The following KCNK2 variants were observed in gnomAD, a reference collection of about 807,000 sequenced individuals.
KCNK2 encodes the protein potassium channel subfamily K member 2.
Under a neutral mutation model 40.5 loss-of-function variants are expected in KCNK2, and 21 were observed. The ratio of observed to expected loss-of-function variants is 0.52; its 90% CI spans 0.37 to 0.75. KCNK2 has a LOEUF of 0.75. Among genes scored for constraint, KCNK2 ranks in the 30% least tolerant of loss-of-function variants. The probability of loss-of-function intolerance (pLI) is 0.00; values close to 1 mark genes in which losing one functional copy is unlikely to be tolerated. For missense variants in KCNK2, 399 were observed against 531.6 expected (o/e 0.75, Z 2.45); for synonymous variants, 191 against 202.2 (o/e 0.94, Z 0.47).
intron 2 of KCNK2, among the ~76,000 whole-genome samples, chr1:215,093,715 T>A (rs1659813297): frequency 2.1e-5 from 2 of 94,528 alleles, no homozygotes; most frequent in South Asian, 5.6e-4. Context: ...TATTATATAT[T>A]ATATAAAAAT....
At chr1:215,187,338 G>A (rs4446939) in intron 5 of KCNK2, among the ~76,000 whole-genome samples, 20,877 of 151,986 alleles carry the variant, frequency 0.14, 3,155 homozygotes, top group African/African-American at 0.38. Context: ...GATTCTCTAC[G>A]TTCTGTTTCC....
chr1:215,006,288 A>T (rs1656125804), intron 1 of KCNK2, among the ~76,000 whole-genome samples: 2 of 152,126 alleles, frequency 1.3e-5, no homozygotes, highest in Admixed American at 1.3e-4. Flanking sequence ...CTGGTAATTT[A>T]TGTTTACTTT....
At chr1:215,118,395 A>T (rs1433140575) in intron 2 of KCNK2, among the ~76,000 whole-genome samples, 1 of 152,148 alleles carries the variant, frequency 6.6e-6, no homozygotes, top group Non-Finnish European at 1.5e-5. Flanking sequence ...TGAGAGCATC[A>T]TTTATTATTT....
In KCNK2 at chr1:215,199,018, A is replaced by G. The variant is rs182444016; in HGVS notation, c.963+3926A>G. Among the ~76,000 whole-genome samples, 33 of 152,280 alleles carry G rather than the reference A, an allele frequency of 2.2e-4. 1 individual carries two copies. Among genetic ancestry groups the G allele is most frequent in the African/African-American group, 7.7e-4 (32 of 41,566 alleles). On this transcript the variant is annotated intron_variant, in intron 6 of 6. Transcript: ENST00000444842. ...TATTCCATTTCTGTTTTTTATGTTA[A>G]AACATATTCTGTTTCCAGCCAGGCG...
chr1:215,089,336 A>G (rs1659595489), intron 2 of KCNK2, among the ~76,000 whole-genome samples: 1 of 151,772 alleles, frequency 6.6e-6, no homozygotes, highest in Non-Finnish European at 1.5e-5. Flanking sequence ...CTGAGGGGGG[A>G]AACAGTTGGA....
intron 1 of KCNK2, among the ~76,000 whole-genome samples, chr1:215,054,179 T>G (rs959604333): frequency 6.6e-6 from 1 of 152,230 alleles, no homozygotes; most frequent in Non-Finnish European, 1.5e-5. Context: ...AAGAAACCTA[T>G]GATTGCCGAT....
chr1:215,113,659 G>A (rs1464418995), intron 2 of KCNK2, among the ~76,000 whole-genome samples: 4 of 152,228 alleles, frequency 2.6e-5, no homozygotes, highest in East Asian at 1.9e-4. Flanking sequence ...GCAATGGCAC[G>A]ATCCCGGCTC....
chr1:215,018,999 A>ACACAC (rs541182638), intron 1 of KCNK2, among the ~76,000 whole-genome samples: 10 of 20,594 alleles, frequency 4.9e-4, no homozygotes, highest in Admixed American at 3.6e-3. Context: ...ACACACACAC[A>ACACAC]AAAAAAAAAC....
Position 215,086,455 on chromosome 1 carries a change from C to A in KCNK2, c.134C>A (p.Ala45Asp). ...TTTTCCACGAAACCCACAGTGCTTG[C>A]TTCCCGGGTGGAGAGTGACACGACC... Reference protein sequence around the residue: ...LSFSTKPTVLASRVESDTTIN... With the variant: ...LSFSTKPTVLDSRVESDTTIN... The change falls in exon 2 of 7, where the codon GCT becomes GAT. Residue 45 changes from alanine to aspartate, a missense_variant. This residue lies in a region of KCNK2 where 279 missense variants were observed against 353.8 expected (regional missense o/e 0.79). Transcript: ENST00000444842. The A allele has an allele frequency of 3.7e-6, 6 of 1,614,126 alleles. No individual in the cohort carries two copies. In the South Asian group the frequency reaches 6.6e-5, roughly 18 times the overall value.
intron 3 of KCNK2, among the ~76,000 whole-genome samples, chr1:215,145,010 G>T (rs945327606): frequency 6.6e-6 from 1 of 152,242 alleles, no homozygotes; most frequent in African/African-American, 2.4e-5. Flanking sequence ...CTATGGTTGC[G>T]TATTCTGCAA....
intron 1 of KCNK2, among the ~76,000 whole-genome samples, chr1:215,023,188 T>C (rs1483133110): frequency 6.6e-6 from 1 of 152,214 alleles, no homozygotes; most frequent in Admixed American, 6.5e-5. Context: ...TTTAGGAACT[T>C]TCTCTAAGGC....
chr1:215,212,193 T>C (rs971051501), intron 6 of KCNK2, among the ~76,000 whole-genome samples: 2 of 152,164 alleles, frequency 1.3e-5, no homozygotes, highest in African/African-American at 4.8e-5. Flanking sequence ...GATGGTATTA[T>C]GGCTGGAAGC....
chr1:215,027,071 T>A (rs954138015), intron 1 of KCNK2, among the ~76,000 whole-genome samples: 1 of 152,060 alleles, frequency 6.6e-6, no homozygotes, highest in Non-Finnish European at 1.5e-5. Flanking sequence ...GAAGGAAAAA[T>A]TTATTAAGTC....
intron 2 of KCNK2, among the ~76,000 whole-genome samples, chr1:215,120,981 T>C (rs1204752575): frequency 6.6e-6 from 1 of 152,202 alleles, no homozygotes. Flanking sequence ...CCAATATATT[T>C]AGTGATTAAA....
intron 3 of KCNK2, among the ~76,000 whole-genome samples, chr1:215,147,471 TTTC>T (rs1158248856): frequency 6.6e-6 from 1 of 152,218 alleles, no homozygotes; most frequent in Non-Finnish European, 1.5e-5. Flanking sequence ...TGGAATCATA[TTTC>T]TTCTTCAGTG....
chr1:215,113,212 A>T (rs954343754), intron 2 of KCNK2, among the ~76,000 whole-genome samples: 1 of 152,194 alleles, frequency 6.6e-6, no homozygotes, highest in African/African-American at 2.4e-5. Context: ...AGTTCTTTAA[A>T]AAATTCATTT....
rs927068489 is a variant in KCNK2 at position 215,236,516 on chromosome 1, CT to C, written c.*1372del. ...GCACAATTTAAATTTTGAGAGTTTGCTGTGTTTTTTTTTCACATAAAAGAGG... is the reference window on the plus strand; with the variant it reads ...GCACAATTTAAATTTTGAGAGTTTGCGTGTTTTTTTTTCACATAAAAGAGG... On this transcript the variant is annotated 3_prime_UTR_variant, in exon 7 of 7. Coordinates refer to ENST00000444842, the MANE Select transcript of KCNK2 (RefSeq NM_001017425.3). 21 of 152,196 alleles carry C rather than the reference CT, an allele frequency of 1.4e-4. No individual in the cohort carries two copies. Among genetic ancestry groups the C allele is most frequent in the African/African-American group, 4.8e-4 (20 of 41,338 alleles). The allele number at this position is 152,196 out of a possible 1,614,324, so 9.4% of individuals were successfully genotyped here. A position where few individuals can be genotyped will look rare whatever the true frequency, so the allele number is the denominator to read the frequency against.
intron 1 of KCNK2, among the ~76,000 whole-genome samples, chr1:215,062,799 T>G (rs1658404052): frequency 6.6e-6 from 1 of 152,034 alleles, no homozygotes; most frequent in African/African-American, 2.4e-5. Flanking sequence ...CCAAACTCAT[T>G]TATTCACTCT....
intron 1 of KCNK2, among the ~76,000 whole-genome samples, chr1:215,046,547 A>G (rs1356141367): frequency 1.3e-5 from 2 of 151,972 alleles, no homozygotes; most frequent in African/African-American, 4.8e-5. Flanking sequence ...TACATATAGC[A>G]CAGTTAGGAG....
Sources: gnomAD v4.1 joint callset for allele counts (sites outside exome capture counted in the v4.1 genomes callset) on GRCh38, gnomAD v4.1.1 for gene constraint, gnomAD v4.1.1 regional missense constraint, MANE v1.5 for transcripts, NCBI Gene and HGNC (gene_info 2026-07-23, HGNC 2026-07-21) for gene names.